Variants in TOP1 observed in about 807,000 individuals in gnomAD.
TOP1 encodes the protein DNA topoisomerase I.
In TOP1, 10 loss-of-function variants were observed where a neutral mutation model predicts 111.1. The observed-to-expected ratio is 0.09, with a 90% CI of 0.06 to 0.15. The LOEUF (loss-of-function observed/expected upper bound fraction) is 0.15. Among genes scored for constraint, TOP1 ranks in the 10% least tolerant of loss-of-function variants. TOP1 has a pLI of 1.00. For missense variants in TOP1, 474 were observed against 926.7 expected, an observed-to-expected ratio of 0.51 and a Z score of 6.34; for synonymous variants, 271 against 302.9, an observed-to-expected ratio of 0.89 and a Z score of 1.10.
At position 41,080,243 on chromosome 20, in the gene TOP1, T is replaced by C; in HGVS notation, c.431+63T>C. 9.9e-7 allele frequency: 1 copy of C among 1,005,638 alleles called. No individual in the cohort carries two copies. The highest frequency in any genetic ancestry group is 1.5e-6 in the Non-Finnish European group (1 of 666,890). The allele number at this position is 1,005,638 out of a possible 1,614,324, so 62.3% of individuals were successfully genotyped here. On this transcript the variant is annotated intron_variant, in intron 6 of 20. Coordinates refer to ENST00000361337, the MANE Select transcript of TOP1 (RefSeq NM_003286.4). The surrounding 1 kb of genome is among the most constrained non-coding windows in gnomAD (Gnocchi z 5.0). ...AAAGGAGGAGTTTAAAGAATAAATGTGATGTGTTTCTTTATAATACATATA... is the reference window on the plus strand; with the variant it reads ...AAAGGAGGAGTTTAAAGAATAAATGCGATGTGTTTCTTTATAATACATATA...
chr20:41,113,014 A>G (rs2034267107), intron 14 of TOP1, 89 bp downstream of exon 14: 10 of 1,326,932 alleles, frequency 7.5e-6, no homozygotes, highest in Admixed American at 4.8e-5. Flanking sequence ...CACATACTGT[A>G]TATCACAACT....
chr20:41,084,482 C>T lies in TOP1; in HGVS notation c.528C>T (p.Pro176=), dbSNP rs149334682. ...EEEEDGKLKK[P]KNKDKDKKVP... ...TGTAGGATGGTAAATTGAAAAAACC[C>T]AAGAATAAAGATAAAGATAAAAAAG... Residue 176 remains proline (P), a synonymous_variant, in exon 8 of 21, where the codon CCC becomes CCT. Coordinates refer to ENST00000361337, the MANE Select transcript of TOP1 (RefSeq NM_003286.4). 667 of 1,564,520 alleles carry T rather than the reference C, an allele frequency of 4.3e-4. 3 individuals are homozygous for T. The African/African-American group carries it at 7.9e-3, about 19-fold the overall frequency.
At position 41,028,864 on chromosome 20, in the gene TOP1, C is replaced by T. The variant is rs749932716; in HGVS notation, c.-204C>T. ...TGTTACACAACTGCTGGGGTCTGTT[C>T]TCGCCGCCCGCCCGGCAGTCAGGCA... On this transcript the variant is annotated 5_prime_UTR_variant, in exon 1 of 21. Transcript: ENST00000361337. The T allele has an allele frequency of 1.1e-4, 63 of 559,822 alleles. No individual in the cohort carries two copies. Among genetic ancestry groups the T allele is most frequent in the South Asian group, 1.5e-4 (7 of 48,114 alleles). The allele number at this position is 559,822 out of a possible 1,614,324, so 34.7% of individuals were successfully genotyped here. A position where few individuals can be genotyped will look rare whatever the true frequency, so the allele number is the denominator to read the frequency against.
At chr20:41,047,727 A>T (rs796338288) in intron 2 of TOP1, among the ~76,000 whole-genome samples, 4 of 152,326 alleles carry the variant, frequency 2.6e-5, no homozygotes, top group African/African-American at 9.6e-5. Context: ...AGGTGTATTT[A>T]GTACCTGGCC....
At chr20:41,047,892 C>A (rs753971302) in intron 2 of TOP1, among the ~76,000 whole-genome samples, 2 of 152,104 alleles carry the variant, frequency 1.3e-5, no homozygotes, top group Non-Finnish European at 2.9e-5. Flanking sequence ...ATGACTCCAC[C>A]CATTAGCGTC....
rs777429682 is a variant in TOP1 at position 41,092,345 on chromosome 20, T to C, written c.615-127T>C. ...TGGTTCTTTTGATCCAGGCCTTGAATGTGAGGCCCAGAAGTCATTCCAGAG... is the reference window on the plus strand; with the variant it reads ...TGGTTCTTTTGATCCAGGCCTTGAACGTGAGGCCCAGAAGTCATTCCAGAG... On this transcript the variant is annotated intron_variant, in intron 8 of 20. Transcript: ENST00000361337. This position sits in a 1 kb window ranked among gnomAD's most constrained non-coding sequence, Gnocchi z 4.3. The C allele has an allele frequency of 2.1e-6, 1 of 481,418 alleles. No homozygotes were observed. The highest frequency in any genetic ancestry group is 3.8e-6 in the Non-Finnish European group (1 of 264,216). 29.8% of individuals were successfully genotyped at this position (481,418 alleles called of 1,614,324 possible). A position where few individuals can be genotyped will look rare whatever the true frequency, so the allele number is the denominator to read the frequency against.
chr20:41,113,191 T>C (rs1322236333), intron 14 of TOP1, among the ~76,000 whole-genome samples: 1 of 152,182 alleles, frequency 6.6e-6, no homozygotes, highest in Non-Finnish European at 1.5e-5. Flanking sequence ...GGTATCACCA[T>C]TATATAGTTT....
At chr20:41,054,583 A>G (rs150119944) in intron 2 of TOP1, among the ~76,000 whole-genome samples, 2 of 152,276 alleles carry the variant, frequency 1.3e-5, no homozygotes, top group East Asian at 3.9e-4. Context: ...ACTTGAGTTG[A>G]GATAGTGTTT....
At chr20:41,068,592 A>G (rs752972677) in intron 3 of TOP1, among the ~76,000 whole-genome samples, 1 of 152,062 alleles carries the variant, frequency 6.6e-6, no homozygotes, top group Non-Finnish European at 1.5e-5. Flanking sequence ...TTTAATAGAG[A>G]TGGCGGTCTT....
chr20:41,051,219 T>G (rs1219964074), intron 2 of TOP1, among the ~76,000 whole-genome samples: 2 of 152,210 alleles, frequency 1.3e-5, no homozygotes, highest in African/African-American at 2.4e-5. Flanking sequence ...CTTGACTTGA[T>G]GATTATCTTT....
In TOP1 at chr20:41,076,392, T is replaced by C; in HGVS notation, c.279+98T>C. On this transcript the variant is annotated intron_variant, in intron 4 of 20. Transcript: ENST00000361337. Reference sequence around the variant, plus strand: ...ATTGCATAGTAAGATCCCTTGGTCTTGAAGTGAAAGGTTTCTTGTCAGGAG... The same window carrying C: ...ATTGCATAGTAAGATCCCTTGGTCTCGAAGTGAAAGGTTTCTTGTCAGGAG... The C allele has an allele frequency of 6.8e-6, 10 of 1,465,314 alleles. No homozygotes were observed. The South Asian group carries it at 1.3e-4, about 19-fold the overall frequency. The allele number at this position is 1,465,314 out of a possible 1,614,324, so 90.8% of individuals were successfully genotyped here. A position where few individuals can be genotyped will look rare whatever the true frequency, so the allele number is the denominator to read the frequency against.
Position 41,032,314 on chromosome 20 carries a change from A to T in TOP1, c.58+2859A>T, listed in dbSNP as rs2033130768. Among the ~76,000 whole-genome samples, 1 of 152,054 alleles carries T rather than the reference A, an allele frequency of 6.6e-6. No homozygotes were observed. The highest frequency in any genetic ancestry group is 6.5e-5 in the Admixed American group (1 of 15,274). On this transcript the variant is annotated intron_variant, in intron 2 of 20. Coordinates refer to ENST00000361337, the MANE Select transcript of TOP1 (RefSeq NM_003286.4). The surrounding 1 kb of genome is among the most constrained non-coding windows in gnomAD (Gnocchi z 4.3). ...TAGCTCTTTGCATGTAATTTAGAAC[A>T]TTCTGACCCATACTCAACTGCTGGG...
chr20:41,063,730 A>G (rs760347258), intron 3 of TOP1, among the ~76,000 whole-genome samples: 1 of 152,068 alleles, frequency 6.6e-6, no homozygotes, highest in Non-Finnish European at 1.5e-5. Flanking sequence ...GGCCATTTGT[A>G]TGTCATCTTT....
At position 41,114,597 on chromosome 20, in the gene TOP1, A is replaced by C. The variant is rs977245788; in HGVS notation, c.1638+442A>C. Among the ~76,000 whole-genome samples, 3 of 152,228 alleles carry C rather than the reference A, an allele frequency of 2.0e-5. No homozygotes were observed. Among genetic ancestry groups the C allele is most frequent in the Non-Finnish European group, 4.4e-5 (3 of 68,038 alleles). On this transcript the variant is annotated intron_variant, in intron 15 of 20. Transcript: ENST00000361337. This position sits in a 1 kb window ranked among gnomAD's most constrained non-coding sequence, Gnocchi z 4.5. ...ATGCTGTAGAATAGGCCCTTAGAGCAAACTCAGCATATGATTTAACTATAT... is the reference window on the plus strand; with the variant it reads ...ATGCTGTAGAATAGGCCCTTAGAGCCAACTCAGCATATGATTTAACTATAT...
intron 2 of TOP1, among the ~76,000 whole-genome samples, chr20:41,043,985 G>A (rs1447794329): frequency 6.6e-6 from 1 of 152,164 alleles, no homozygotes; most frequent in Non-Finnish European, 1.5e-5. Flanking sequence ...TATTTGAAAT[G>A]CAAGTGCCCA....
intron 13 of TOP1, among the ~76,000 whole-genome samples, chr20:41,107,225 A>G (rs2034160507): frequency 6.6e-6 from 1 of 152,222 alleles, no homozygotes. Flanking sequence ...ATTTATAGAT[A>G]GACTTTTAAT....
chr20:41,091,787 A>C (rs1019946042), intron 8 of TOP1, among the ~76,000 whole-genome samples: 2 of 151,546 alleles, frequency 1.3e-5, no homozygotes, highest in African/African-American at 4.9e-5. Flanking sequence ...CTGGATCACG[A>C]CCTCCTGACC....
Position 41,067,859 on chromosome 20 carries a change from AT to A in TOP1, c.155+6372del, listed in dbSNP as rs1365475058. ...ATGGATCCACATCCCAGAAGATGCC[AT>A]TTGGTTTCCTCTTTATTGTCCTCAT... On this transcript the variant is annotated intron_variant, in intron 3 of 20. Transcript: ENST00000361337. The surrounding 1 kb of genome is among the most constrained non-coding windows in gnomAD (Gnocchi z 4.0). Among the ~76,000 whole-genome samples, 1 of 152,188 alleles carries A rather than the reference AT, an allele frequency of 6.6e-6. No individual in the cohort carries two copies. The highest frequency in any genetic ancestry group is 1.5e-5 in the Non-Finnish European group (1 of 68,020).
chr20:41,043,929 G>A (rs2033299487), intron 2 of TOP1, among the ~76,000 whole-genome samples: 1 of 152,216 alleles, frequency 6.6e-6, no homozygotes, highest in African/African-American at 2.4e-5. Context: ...AGATGCATTT[G>A]TAGTGCAGGG....
Sources: allele counts gnomAD v4.1 joint callset (sites outside exome capture counted in the v4.1 genomes callset), GRCh38; gene constraint gnomAD v4.1.1; non-coding constraint Gnocchi (gnomAD v3.1); transcripts MANE v1.5; gene names NCBI Gene and HGNC (gene_info 2026-07-23, HGNC 2026-07-21).